Variants in WWOX observed in about 807,000 individuals in gnomAD.
WWOX encodes the protein WW domain-containing oxidoreductase.
Under a neutral mutation model 46.2 loss-of-function variants are expected in WWOX, and 69 were observed. The observed-to-expected ratio is 1.49, with a 90% CI of 1.23 to 1.82. The LOEUF (loss-of-function observed/expected upper bound fraction) is 1.82, where lower values mean the gene tolerates loss of function less well. WWOX is among the 40% of genes most tolerant of loss of function. WWOX has a pLI of 0.00. For synonymous variants in WWOX, 359 were observed against 202.6 expected, an observed-to-expected ratio of 1.77 and a Z score of -6.56; for missense variants, 919 against 542.6, an observed-to-expected ratio of 1.69 and a Z score of -6.89.
intron 8 of WWOX, among the ~76,000 whole-genome samples, chr16:78,616,854 G>A (rs192236664): frequency 3.9e-5 from 6 of 152,192 alleles, no homozygotes; most frequent in African/African-American, 9.6e-5. Context: ...CCCAAAGTCC[G>A]CACTTCCTAA....
intron 6 of WWOX, among the ~76,000 whole-genome samples, chr16:78,391,124 C>T (rs959882054): frequency 3.9e-5 from 6 of 152,270 alleles, no homozygotes; most frequent in African/African-American, 7.2e-5. Context: ...AACCACCCGC[C>T]GTCTGCCTTC....
At chr16:78,574,561 A>T (rs1427908067) in intron 8 of WWOX, among the ~76,000 whole-genome samples, 1 of 152,158 alleles carries the variant, frequency 6.6e-6, no homozygotes, top group African/African-American at 2.4e-5. Context: ...TTCAAAGACT[A>T]CTACCTGTGT....
chr16:78,125,267 T>G (rs904392678), intron 4 of WWOX, among the ~76,000 whole-genome samples: 2 of 152,122 alleles, frequency 1.3e-5, no homozygotes, highest in Non-Finnish European at 2.9e-5. Context: ...GTAACGTGCT[T>G]GAGATCATAC....
At chr16:79,177,220 G>C (rs1027356411) in intron 8 of WWOX, among the ~76,000 whole-genome samples, 1 of 152,164 alleles carries the variant, frequency 6.6e-6, no homozygotes, top group Non-Finnish European at 1.5e-5. Context: ...GACACATGCT[G>C]GATCTTATCA....
At chr16:78,436,649 T>C (rs1201872648) in intron 8 of WWOX, among the ~76,000 whole-genome samples, 1 of 152,190 alleles carries the variant, frequency 6.6e-6, no homozygotes, top group Non-Finnish European at 1.5e-5. Flanking sequence ...AGAGGTGGAA[T>C]TGGCGCTCTG....
At chr16:79,209,465 G>A (rs1403955608) in intron 8 of WWOX, among the ~76,000 whole-genome samples, 1 of 152,226 alleles carries the variant, frequency 6.6e-6, no homozygotes, top group Non-Finnish European at 1.5e-5. Flanking sequence ...TGAAAGGCCA[G>A]TCTGTCATGA....
At chr16:78,100,074 T>C in intron 1 of WWOX, 189 bp downstream of exon 1, 1 of 1,392,474 alleles carries the variant, frequency 7.2e-7, no homozygotes, top group Non-Finnish European at 9.3e-7. Context: ...GGGCCTCGGG[T>C]CCAGCGGGGG....
intron 8 of WWOX, among the ~76,000 whole-genome samples, chr16:79,068,893 A>G (rs965477002): frequency 5.9e-5 from 9 of 151,618 alleles, no homozygotes; most frequent in Admixed American, 2.0e-4. Flanking sequence ...TAGGGAATGA[A>G]TGCCGAAAGT....
chr16:79,018,586 A>C (rs895083485), intron 8 of WWOX, among the ~76,000 whole-genome samples: 1 of 152,082 alleles, frequency 6.6e-6, no homozygotes, highest in Admixed American at 6.6e-5. Flanking sequence ...TAAATAGATA[A>C]TTGTCAGAAT....
At chr16:78,460,674 T>G (rs1385041258) in intron 8 of WWOX, among the ~76,000 whole-genome samples, 1 of 152,216 alleles carries the variant, frequency 6.6e-6, no homozygotes, top group Non-Finnish European at 1.5e-5. Flanking sequence ...GCTGTGTCCT[T>G]GCTTTTGAAG....
chr16:78,889,339 G>T (rs1427257769), intron 8 of WWOX, among the ~76,000 whole-genome samples: 2 of 143,752 alleles, frequency 1.4e-5, no homozygotes, highest in African/African-American at 5.2e-5. Context: ...GAAGATCTTT[G>T]TCCCTCCCCC....
chr16:78,618,441 A>T (rs2046084375), intron 8 of WWOX, among the ~76,000 whole-genome samples: 1 of 152,156 alleles, frequency 6.6e-6, no homozygotes, highest in African/African-American at 2.4e-5. Flanking sequence ...CTCTGTCTTC[A>T]CATGGTCTTC....
chr16:78,859,495 A>G (rs903792753), intron 8 of WWOX, among the ~76,000 whole-genome samples: 1 of 152,198 alleles, frequency 6.6e-6, no homozygotes, highest in East Asian at 1.9e-4. Context: ...GGAATGTGTT[A>G]TAGCTCGATT....
intron 5 of WWOX, among the ~76,000 whole-genome samples, chr16:78,356,033 C>G (rs374524477): frequency 8.3e-6 from 1 of 119,996 alleles, no homozygotes; most frequent in East Asian, 2.2e-4. Context: ...TTTTCTCAAG[C>G]TCTTCCAATA....
intron 5 of WWOX, among the ~76,000 whole-genome samples, chr16:78,233,300 A>T (rs1257688190): frequency 7.7e-6 from 1 of 129,690 alleles, no homozygotes; most frequent in African/African-American, 2.8e-5. Flanking sequence ...AGAGGACATT[A>T]AACAAATATT....
At chr16:78,144,473 A>ATATATACACG (rs2034117223) in intron 4 of WWOX, among the ~76,000 whole-genome samples, 3 of 37,592 alleles carry the variant, frequency 8.0e-5, no homozygotes, top group African/African-American at 2.7e-4. Context: ...ACACACATAT[A>ATATATACACG]TATATATATA....
At chr16:78,101,791 G>T (rs542699175) in intron 1 of WWOX, among the ~76,000 whole-genome samples, 70 of 152,312 alleles carry the variant, frequency 4.6e-4, no homozygotes, top group African/African-American at 1.6e-3. Context: ...ACACACACAG[G>T]TATTATGTGA....
At chr16:78,652,921 T>G (rs942317906) in intron 8 of WWOX, among the ~76,000 whole-genome samples, 1 of 152,192 alleles carries the variant, frequency 6.6e-6, no homozygotes, top group Non-Finnish European at 1.5e-5. Context: ...ATTTGTTACT[T>G]TGAAAAATGA....
chr16:78,755,948 A>G (rs937658111), intron 8 of WWOX, among the ~76,000 whole-genome samples: 6 of 152,192 alleles, frequency 3.9e-5, no homozygotes, highest in Non-Finnish European at 7.4e-5. Context: ...CCAAGGAGAC[A>G]GTTTTCTGGC....
Sources: allele counts gnomAD v4.1 joint callset (sites outside exome capture counted in the v4.1 genomes callset), GRCh38; gene constraint gnomAD v4.1.1; transcripts MANE v1.5; gene names NCBI Gene and HGNC (gene_info 2026-07-23, HGNC 2026-07-21).